Variants in DIAPH2 observed in about 807,000 individuals in gnomAD.
DIAPH2 encodes protein diaphanous homolog 2.
In DIAPH2, 35 loss-of-function variants were observed where a neutral mutation model predicts 92.7. That is an observed-to-expected ratio of 0.38 (90% CI 0.29 to 0.50). DIAPH2 has a LOEUF of 0.50. DIAPH2 is among the 20% of genes least tolerant of loss of function. The pLI, the probability that DIAPH2 is intolerant of heterozygous loss-of-function variation, is 0.94. For missense variants in DIAPH2, 701 were observed against 819.5 expected (o/e 0.86, Z 1.77); for synonymous variants, 301 against 280.4 (o/e 1.07, Z -0.73).
intron 1 of DIAPH2, chrX:96,701,543 A>G (rs2063855240): frequency 9.1e-6 from 1 of 110,299 alleles, no homozygotes; most frequent in African/African-American, 3.3e-5. Flanking sequence ...GAAGTGGGGA[A>G]AGAGTAGAAC....
At chrX:96,773,706 T>G (rs2064355978) in intron 4 of DIAPH2, among the ~76,000 whole-genome samples, 1 of 110,727 alleles carries the variant, frequency 9.0e-6, no homozygotes, top group Non-Finnish European at 1.9e-5. Context: ...CAAAATTAGC[T>G]GGGTGTGGTG....
At chrX:97,449,991 C>T (rs539888883) in intron 26 of DIAPH2, among the ~76,000 whole-genome samples, 3 of 108,277 alleles carry the variant, frequency 2.8e-5, no homozygotes, top group African/African-American at 6.8e-5. Flanking sequence ...GTGGATCAAG[C>T]GATTGTTATG....
intron 23 of DIAPH2, among the ~76,000 whole-genome samples, chrX:97,336,831 G>A (rs763314407): frequency 8.9e-6 from 1 of 111,914 alleles, no homozygotes; most frequent in African/African-American, 3.2e-5. Context: ...ACAAGAGAGT[G>A]AATAAAGAAA....
intron 5 of DIAPH2, among the ~76,000 whole-genome samples, chrX:96,910,584 T>G (rs917905763): frequency 8.1e-5 from 9 of 111,358 alleles, no homozygotes; most frequent in African/African-American, 2.9e-4. Context: ...CACATAAGTC[T>G]ATATATTGAT....
At chrX:97,171,121 G>T (rs1344959928) in intron 22 of DIAPH2, among the ~76,000 whole-genome samples, 2 of 111,444 alleles carry the variant, frequency 1.8e-5, no homozygotes, top group Non-Finnish European at 3.8e-5. Flanking sequence ...CAATCCACCC[G>T]CCTCGGCCTC....
intron 1 of DIAPH2, among the ~76,000 whole-genome samples, chrX:96,733,052 G>A (rs757879706): frequency 2.9e-4 from 32 of 111,383 alleles, no homozygotes; most frequent in African/African-American, 1.0e-3. Flanking sequence ...TTATGAACAG[G>A]AGGGAGTATG....
At chrX:96,972,985 C>T (rs2065936798) in intron 17 of DIAPH2, among the ~76,000 whole-genome samples, 1 of 111,171 alleles carries the variant, frequency 9.0e-6, no homozygotes, top group Non-Finnish European at 1.9e-5. Context: ...TAATTGTCTA[C>T]GGATAGTCAT....
intron 23 of DIAPH2, among the ~76,000 whole-genome samples, chrX:97,338,918 C>T (rs2069088625): frequency 9.0e-6 from 1 of 111,468 alleles, no homozygotes; most frequent in African/African-American, 3.3e-5. Flanking sequence ...AGTTAGAGGG[C>T]AAGGGGGTAT....
intron 4 of DIAPH2, among the ~76,000 whole-genome samples, chrX:96,869,589 C>CTACTACTAA (rs764240380): frequency 9.3e-6 from 1 of 107,604 alleles, no homozygotes; most frequent in African/African-American, 3.5e-5. Flanking sequence ...ACTACTACTA[C>CTACTACTAA]TACTAATACT....
intron 17 of DIAPH2, among the ~76,000 whole-genome samples, chrX:97,048,183 TTC>T (rs2066497284): frequency 9.0e-6 from 1 of 110,927 alleles, no homozygotes; most frequent in African/African-American, 3.3e-5. Context: ...CTTTTTCTCC[TTC>T]TCTCTTTCCC....
intron 22 of DIAPH2, among the ~76,000 whole-genome samples, chrX:97,161,043 G>C (rs796376195): frequency 2.4e-5 from 2 of 83,226 alleles, no homozygotes; most frequent in Non-Finnish European, 4.9e-5. Flanking sequence ...TTTGTTTTTT[G>C]TTTTTTTGTT....
intron 24 of DIAPH2, among the ~76,000 whole-genome samples, chrX:97,364,963 A>G (rs1298144739): frequency 1.8e-5 from 2 of 110,577 alleles, no homozygotes; most frequent in Non-Finnish European, 3.8e-5. Context: ...TAGATTTGCC[A>G]TAACTACCTC....
chrX:97,472,068 C>A (rs1320797575), intron 26 of DIAPH2, among the ~76,000 whole-genome samples: 3 of 112,190 alleles, frequency 2.7e-5, no homozygotes, highest in African/African-American at 6.5e-5. Context: ...ACACTTGTAG[C>A]TGAATTTTTA....
intron 21 of DIAPH2, among the ~76,000 whole-genome samples, chrX:97,118,999 T>C (rs2067035603): frequency 8.9e-6 from 1 of 111,922 alleles, no homozygotes; most frequent in Admixed American, 9.5e-5. Flanking sequence ...TTCACCTTTC[T>C]CTGGTGCCTC....
Position 97,410,913 on chromosome X carries a change from C to T in DIAPH2, c.3146-18737C>T, listed in dbSNP as rs147181742. 3.9e-3 allele frequency among the ~76,000 whole-genome samples: 439 copies of T among 111,549 alleles called. 2 individuals carry two copies. Among genetic ancestry groups the T allele is most frequent in the African/African-American group, 0.014 (421 of 30,702 alleles). On this transcript the variant is annotated intron_variant, in intron 25 of 26. Transcript: ENST00000324765. The stretch of plus-strand genomic sequence containing the variant: ...AAAAATATGGGACTATGTGAAAAGG[C>T]GAAATCTACATTTGATTGGTGTACC...
intron 22 of DIAPH2, among the ~76,000 whole-genome samples, chrX:97,210,972 C>G (rs2067835095): frequency 8.9e-6 from 1 of 112,049 alleles, no homozygotes; most frequent in South Asian, 3.7e-4. Flanking sequence ...ATGGACATGA[C>G]AGTGAAATCA....
intron 17 of DIAPH2, among the ~76,000 whole-genome samples, chrX:96,984,122 A>G (rs1303242463): frequency 8.9e-6 from 1 of 111,940 alleles, no homozygotes; most frequent in African/African-American, 3.2e-5. Flanking sequence ...ATAGAGGGGA[A>G]CAAATGTACA....
At chrX:97,046,055 G>T in intron 17 of DIAPH2, among the ~76,000 whole-genome samples, 1 of 107,532 alleles carries the variant, frequency 9.3e-6, no homozygotes, top group Non-Finnish European at 1.9e-5. Flanking sequence ...ACAGGGTTTT[G>T]TCATGTTAGC....
At chrX:97,269,030 T>C (rs905256787) in intron 23 of DIAPH2, among the ~76,000 whole-genome samples, 10 of 109,802 alleles carry the variant, frequency 9.1e-5, no homozygotes, top group African/African-American at 3.3e-4. Context: ...CTAATTTTTG[T>C]ATTTTTAGTA....
Sources: gnomAD v4.1 joint callset for allele counts (sites outside exome capture counted in the v4.1 genomes callset) on GRCh38, gnomAD v4.1.1 for gene constraint, MANE v1.5 for transcripts, NCBI Gene and HGNC (gene_info 2026-07-23, HGNC 2026-07-21) for gene names.